UGT1A6: variants seen among roughly 807,000 people sequenced by gnomAD.
UGT1A6 encodes the protein UDP-glucuronosyltransferase 1A6.
A neutral mutation model predicts 44.4 loss-of-function variants in UGT1A6; 32 were observed. The ratio of observed to expected loss-of-function variants is 0.72; its 90% CI spans 0.54 to 0.97. The LOEUF is 0.97. Ranked by LOEUF, UGT1A6 falls within the 50% of genes least tolerant of loss-of-function variation. The pLI, the probability that UGT1A6 is intolerant of heterozygous loss-of-function variation, is 0.00. For synonymous variants in UGT1A6, 238 were observed against 248.5 expected, an observed-to-expected ratio of 0.96 and a Z score of 0.40; for missense variants, 685 against 661.9, an observed-to-expected ratio of 1.03 and a Z score of -0.38.
At chr2:233,729,271 C>G (rs45595237) in intron 1 of UGT1A6, 3 of 1,614,050 alleles carry the variant, frequency 1.9e-6, no homozygotes, top group Non-Finnish European at 8.5e-7. Flanking sequence ...GGAGGTCTTG[C>G]GGGAGCTCCA....
chr2:233,770,117 C>T (rs1700019979), intron 4 of UGT1A6: 1 of 152,326 alleles, frequency 6.6e-6, no homozygotes, highest in Non-Finnish European at 1.5e-5. Context: ...CTAAGAACAA[C>T]TTGGTGAAAG....
chr2:233,745,071 G>C (rs981811501), intron 1 of UGT1A6, among the ~76,000 whole-genome samples: 2 of 151,782 alleles, frequency 1.3e-5, no homozygotes. Flanking sequence ...TATTTGTATT[G>C]TTTTTTCATT....
At chr2:233,699,290 G>A (rs2075496429) in intron 1 of UGT1A6, among the ~76,000 whole-genome samples, 1 of 152,104 alleles carries the variant, frequency 6.6e-6, no homozygotes, top group Admixed American at 6.5e-5. Context: ...CAGATGCTGG[G>A]ACACTCTTAT....
intron 1 of UGT1A6, among the ~76,000 whole-genome samples, chr2:233,731,210 T>A (rs2078122398): frequency 6.6e-6 from 1 of 152,162 alleles, no homozygotes; most frequent in Non-Finnish European, 1.5e-5. Context: ...AATACGTGTT[T>A]ATTTAGATTT....
intron 1 of UGT1A6, among the ~76,000 whole-genome samples, chr2:233,757,242 G>C (rs889678436): frequency 2.7e-5 from 4 of 149,670 alleles, no homozygotes; most frequent in African/African-American, 9.9e-5. Flanking sequence ...GTGGTGGTGA[G>C]GTGGGGTTAT....
At chr2:233,699,062 C>T (rs143445197) in intron 1 of UGT1A6, among the ~76,000 whole-genome samples, 89 of 152,320 alleles carry the variant, frequency 5.8e-4, no homozygotes, top group Non-Finnish European at 1.1e-3. Flanking sequence ...TTATCCCAGC[C>T]CTGCCCAGGG....
intron 1 of UGT1A6, among the ~76,000 whole-genome samples, chr2:233,702,589 A>G (rs2075695060): frequency 6.6e-6 from 1 of 152,126 alleles, no homozygotes; most frequent in Admixed American, 6.6e-5. Flanking sequence ...TCTTAACTGG[A>G]GATTTTTTGA....
At chr2:233,706,277 G>A (rs1335130359) in intron 1 of UGT1A6, among the ~76,000 whole-genome samples, 2 of 152,100 alleles carry the variant, frequency 1.3e-5, no homozygotes, top group East Asian at 3.9e-4. Flanking sequence ...CAACCTCAGG[G>A]GTGGGGCCCA....
intron 2 of UGT1A6, 46 bp downstream of exon 2, chr2:233,767,211 C>T (rs780479302): frequency 1.9e-5 from 30 of 1,612,468 alleles, no homozygotes; most frequent in South Asian, 1.5e-4. Flanking sequence ...TTCACAGGAG[C>T]GCTAATCCCA....
intron 1 of UGT1A6, chr2:233,719,580 G>T (rs369777528): frequency 6.2e-7 from 1 of 1,613,916 alleles, no homozygotes; most frequent in South Asian, 1.1e-5. Flanking sequence ...CTATGCATCC[G>T]TGTGGCTGTT....
intron 1 of UGT1A6, among the ~76,000 whole-genome samples, chr2:233,737,453 A>G (rs1465600831): frequency 6.6e-6 from 1 of 152,182 alleles, no homozygotes; most frequent in Non-Finnish European, 1.5e-5. Context: ...TTTTCCAGGT[A>G]CAGTCTGTCA....
rs1366188345 is a variant in UGT1A6 at position 233,693,625 on chromosome 2, A to G, written c.621A>G (p.Gln207=). 1 of 1,614,140 alleles carries G rather than the reference A, an allele frequency of 6.2e-7. No individual in the cohort carries two copies. Among genetic ancestry groups the G allele is most frequent in the East Asian group, 2.2e-5 (1 of 44,882 alleles). ...TTTCAGACCACATGACTTTTTCCCA[A>G]CGAGTGGCCAACTTCCTTGTTAATT... is the stretch of plus-strand genomic sequence containing the variant. The part of the protein sequence containing the change: ...TKFSDHMTFS[Q]RVANFLVNLL... The change falls in exon 1 of 5, where the codon CAA becomes CAG. Residue 207 remains glutamine, a synonymous_variant. Transcript: ENST00000305139.
intron 1 of UGT1A6, among the ~76,000 whole-genome samples, chr2:233,727,024 C>T (rs1363887346): frequency 2.6e-5 from 4 of 152,054 alleles, no homozygotes; most frequent in African/African-American, 7.2e-5. Flanking sequence ...TGTTTTTGTA[C>T]CCTAAGGAAT....
At chr2:233,743,343 C>T in intron 1 of UGT1A6, 5 of 866,282 alleles carry the variant, frequency 5.8e-6, no homozygotes, top group South Asian at 1.4e-5. Context: ...CAGTGGAAGT[C>T]GACATGGACT....
At chr2:233,741,065 C>T (rs978483126) in intron 1 of UGT1A6, among the ~76,000 whole-genome samples, 7 of 151,774 alleles carry the variant, frequency 4.6e-5, no homozygotes, top group African/African-American at 7.3e-5. Context: ...AGCTACAGAG[C>T]GAGACCCTGT....
Position 233,709,909 on chromosome 2 carries a change from A to G in UGT1A6, c.861+16044A>G, listed in dbSNP as rs186719826. Reference sequence around the variant, plus strand: ...TTCTGTCCTATCTCAGTCACCTAATACCTCCCCTCACCTTAGGCAACCCTG... The same window carrying G: ...TTCTGTCCTATCTCAGTCACCTAATGCCTCCCCTCACCTTAGGCAACCCTG... On this transcript the variant is annotated intron_variant, in intron 1 of 4. Coordinates refer to ENST00000305139, the MANE Select transcript of UGT1A6 (RefSeq NM_001072.4). 8.5e-5 allele frequency among the ~76,000 whole-genome samples: 13 copies of G among 152,088 alleles called. No homozygotes were observed. The East Asian group carries it at 2.5e-3, about 29-fold the overall frequency.
chr2:233,740,284 G>T (rs932768125), intron 1 of UGT1A6, among the ~76,000 whole-genome samples: 1 of 151,852 alleles, frequency 6.6e-6, no homozygotes, highest in Non-Finnish European at 1.5e-5. Flanking sequence ...ATACTGAAAG[G>T]GTTTAAAGGA....
At chr2:233,742,287 T>C (rs1415995429) in intron 1 of UGT1A6, among the ~76,000 whole-genome samples, 2 of 152,000 alleles carry the variant, frequency 1.3e-5, no homozygotes, top group East Asian at 1.9e-4. Context: ...ATCATTTCTA[T>C]AGATTATAGA....
rs1282452133 is a variant in UGT1A6, at chr2:233,693,838, C to T, written c.834C>T (p.Asn278=). 1.2e-6 allele frequency: 2 copies of T among 1,614,176 alleles called. No individual in the cohort carries two copies. Among genetic ancestry groups the T allele is most frequent in the Non-Finnish European group, 1.7e-6 (2 of 1,180,030 alleles). ...ACATGGTCTTCATTGGAGGTATCAA[C>T]TGTAAGAAGAGGAAAGACTTGTCTC... The part of the protein sequence containing the change: ...MPNMVFIGGI[N]CKKRKDLSQE... The change falls in exon 1 of 5, where the codon AAC becomes AAT. Residue 278 remains asparagine (N), a synonymous_variant. Transcript: ENST00000305139.
Sources: allele counts gnomAD v4.1 joint callset (sites outside exome capture counted in the v4.1 genomes callset), GRCh38; gene constraint gnomAD v4.1.1; transcripts MANE v1.5; gene names NCBI Gene and HGNC (gene_info 2026-07-23, HGNC 2026-07-21).